TENM2: variants seen among roughly 807,000 people sequenced by gnomAD.
TENM2 encodes the protein teneurin transmembrane protein 2, also known as teneurin-2.
Under a neutral mutation model 245.2 loss-of-function variants are expected in TENM2, and 52 were observed. The ratio of observed to expected loss-of-function variants is 0.21; its 90% CI spans 0.17 to 0.27. TENM2 has a LOEUF of 0.27. TENM2 is among the 10% of genes least tolerant of loss of function. The probability of loss-of-function intolerance (pLI) is 1.00; values close to 1 mark genes in which losing one functional copy is unlikely to be tolerated. For synonymous variants in TENM2, 1,363 were observed against 1,438.9 expected, an observed-to-expected ratio of 0.95 and a Z score of 1.19; for missense variants, 3,046 against 3,666.8, an observed-to-expected ratio of 0.83 and a Z score of 4.37.
intron 13 of TENM2, chr5:168,186,218 G>T (rs957769519): frequency 6.6e-6 from 1 of 151,818 alleles, no homozygotes; most frequent in Admixed American, 6.6e-5. Flanking sequence ...AGAATTTTTG[G>T]CTTTTTACCT....
intron 2 of TENM2, among the ~76,000 whole-genome samples, chr5:167,761,750 C>A (rs1298096602): frequency 6.6e-6 from 1 of 152,188 alleles, no homozygotes; most frequent in Admixed American, 6.5e-5. Context: ...TCCAAGGGAA[C>A]TGGAATTTCT....
At chr5:167,458,860 G>A (rs770224380) in intron 2 of TENM2, among the ~76,000 whole-genome samples, 15 of 152,196 alleles carry the variant, frequency 9.9e-5, no homozygotes, top group Non-Finnish European at 1.9e-4. Flanking sequence ...GGTGAAAGCT[G>A]GAGCCAGGAT....
intron 2 of TENM2, among the ~76,000 whole-genome samples, chr5:167,796,857 C>T (rs116562522): frequency 6.6e-6 from 1 of 152,078 alleles, no homozygotes; most frequent in African/African-American, 2.4e-5. Context: ...TTCTCTCTAG[C>T]TGGCTTTCAA....
chr5:167,404,178 T>A (rs1278121509), intron 2 of TENM2, among the ~76,000 whole-genome samples: 1 of 151,988 alleles, frequency 6.6e-6, no homozygotes, highest in Non-Finnish European at 1.5e-5. Flanking sequence ...AAGAGAGTGT[T>A]ATTAAGCTTG....
chr5:167,867,377 G>T (rs1348959368), intron 2 of TENM2, among the ~76,000 whole-genome samples: 4 of 152,188 alleles, frequency 2.6e-5, no homozygotes, highest in Non-Finnish European at 5.9e-5. Flanking sequence ...ATATAGAAAC[G>T]ACACCCAAAT....
At chr5:167,031,915 A>G in the TENM2 span, among the ~76,000 whole-genome samples, 5 of 152,076 alleles carry the variant, frequency 3.3e-5, no homozygotes, top group Admixed American at 2.6e-4. Flanking sequence ...TTTACTACTT[A>G]ATGACCTCTG....
At chr5:168,220,014 C>A (rs1485287543) in intron 23 of TENM2, among the ~76,000 whole-genome samples, 1 of 152,060 alleles carries the variant, frequency 6.6e-6, no homozygotes, top group African/African-American at 2.4e-5. Flanking sequence ...TCCCCTGGTT[C>A]TGACTTTCTT....
At chr5:168,169,484 AGTCT>A (rs1413462879) in intron 13 of TENM2, among the ~76,000 whole-genome samples, 2 of 152,204 alleles carry the variant, frequency 1.3e-5, no homozygotes, top group Non-Finnish European at 2.9e-5. Context: ...ATAACACTGG[AGTCT>A]GTCCAAAGCA....
chr5:167,030,647 T>C, the TENM2 span, among the ~76,000 whole-genome samples: 1 of 152,160 alleles, frequency 6.6e-6, no homozygotes, highest in African/African-American at 2.4e-5. Flanking sequence ...AGCTCCGTGT[T>C]TACATCTTCC....
At chr5:167,223,844 A>G in the TENM2 span, among the ~76,000 whole-genome samples, 1 of 152,036 alleles carries the variant, frequency 6.6e-6, no homozygotes, top group African/African-American at 2.4e-5. Context: ...AAACTTGCCA[A>G]CATCTGATAT....
chr5:167,732,449 G>C (rs898275683), intron 2 of TENM2, among the ~76,000 whole-genome samples: 4 of 152,070 alleles, frequency 2.6e-5, no homozygotes, highest in African/African-American at 9.7e-5. Flanking sequence ...TCAATTATAG[G>C]GGAAGAAAAG....
intron 12 of TENM2, among the ~76,000 whole-genome samples, chr5:168,154,162 A>AAAAAC (rs567155268): frequency 1.1e-4 from 17 of 150,282 alleles, no homozygotes; most frequent in African/African-American, 3.9e-4. Flanking sequence ...AAAAAAAAAA[A>AAAAAC]AAAACAGTAA....
chr5:167,862,445 C>G (rs1304973429), intron 2 of TENM2, among the ~76,000 whole-genome samples: 1 of 152,204 alleles, frequency 6.6e-6, no homozygotes, highest in Non-Finnish European at 1.5e-5. Flanking sequence ...CTATTTCAGA[C>G]AAAAATCAGT....
chr5:168,145,603 G>A (rs1755987970), intron 12 of TENM2, among the ~76,000 whole-genome samples: 1 of 151,966 alleles, frequency 6.6e-6, no homozygotes, highest in South Asian at 2.1e-4. Context: ...ATAGTTTGAA[G>A]TCAGGTAGTG....
At chr5:167,539,950 A>T (rs927942289) in intron 2 of TENM2, among the ~76,000 whole-genome samples, 3 of 152,196 alleles carry the variant, frequency 2.0e-5, no homozygotes, top group Admixed American at 6.5e-5. Flanking sequence ...CAAATATCTA[A>T]TTAGTGTTAG....
At chr5:166,994,249 A>G in the TENM2 span, among the ~76,000 whole-genome samples, 1 of 152,238 alleles carries the variant, frequency 6.6e-6, no homozygotes, top group Non-Finnish European at 1.5e-5. Flanking sequence ...TTTGTCACGC[A>G]TGCCAATTGC....
chr5:167,569,078 CTTTTTTTTTTT>C (rs34311803), intron 2 of TENM2, among the ~76,000 whole-genome samples: 7 of 48,966 alleles, frequency 1.4e-4, no homozygotes, highest in African/African-American at 5.6e-4. Context: ...CTTCCTACAG[CTTTTTTTTTTT>C]TTTTTTTTTT....
At chr5:167,720,561 T>C (rs1759559648) in intron 2 of TENM2, among the ~76,000 whole-genome samples, 1 of 152,218 alleles carries the variant, frequency 6.6e-6, no homozygotes, top group Non-Finnish European at 1.5e-5. Context: ...CACCCCTGTT[T>C]GTAAGTGAGT....
the TENM2 span, among the ~76,000 whole-genome samples, chr5:167,243,827 T>C: frequency 6.6e-6 from 1 of 152,222 alleles, no homozygotes; most frequent in Non-Finnish European, 1.5e-5. Flanking sequence ...AAATAGTTTC[T>C]CCTTCACAAA....
Sources: gnomAD v4.1 joint callset for allele counts (sites outside exome capture counted in the v4.1 genomes callset) on GRCh38, gnomAD v4.1.1 for gene constraint, MANE v1.5 for transcripts, NCBI Gene and HGNC (gene_info 2026-07-23, HGNC 2026-07-21) for gene names.